SCN9A: variants seen among roughly 807,000 people sequenced by gnomAD.
The protein encoded by SCN9A is sodium channel protein type 9 subunit alpha.
SCN9A carries 131 observed loss-of-function variants against 187.0 expected under a neutral mutation model. The ratio of observed to expected loss-of-function variants is 0.70; its 90% CI spans 0.61 to 0.81. The LOEUF is 0.81. Among genes scored for constraint, SCN9A ranks in the 30% least tolerant of loss-of-function variants. The pLI, the probability that SCN9A is intolerant of heterozygous loss-of-function variation, is 0.00. For synonymous variants in SCN9A, 809 were observed against 808.6 expected (o/e 1.00, Z -0.01); for missense variants, 2,252 against 2,396.6 (o/e 0.94, Z 1.26).
intron 17 of SCN9A, among the ~76,000 whole-genome samples, chr2:166,257,044 TGA>T (rs1696309227): frequency 6.6e-6 from 1 of 151,642 alleles, no homozygotes; most frequent in African/African-American, 2.4e-5. Flanking sequence ...ATCTTTCTAA[TGA>T]AAAGAAGAGA....
At chr2:166,304,159 A>G in intron 6 of SCN9A, 79 bp downstream of exon 6, 1 of 1,612,256 alleles carries the variant, frequency 6.2e-7, no homozygotes, top group Non-Finnish European at 8.5e-7. Flanking sequence ...GTGACGACAC[A>G]CACACAAACG....
intron 1 of SCN9A, among the ~76,000 whole-genome samples, chr2:166,361,454 C>T (rs1367374038): frequency 1.3e-5 from 2 of 152,098 alleles, no homozygotes; most frequent in African/African-American, 2.4e-5. Context: ...ATATGCCACA[C>T]ACAGCCATTT....
chr2:166,254,465 GA>G (rs2106430879), intron 17 of SCN9A, among the ~76,000 whole-genome samples: 1 of 151,442 alleles, frequency 6.6e-6, no homozygotes, highest in South Asian at 2.1e-4. Flanking sequence ...CCTTTATATA[GA>G]AAGGCTGATA....
At chr2:166,318,126 G>A (rs995007829) in intron 1 of SCN9A, among the ~76,000 whole-genome samples, 2 of 152,164 alleles carry the variant, frequency 1.3e-5, no homozygotes, top group East Asian at 1.9e-4. Flanking sequence ...ATCACCAAAA[G>A]GATAATATCT....
intron 1 of SCN9A, among the ~76,000 whole-genome samples, chr2:166,327,231 T>C (rs146882468): frequency 6.6e-6 from 1 of 152,270 alleles, no homozygotes; most frequent in East Asian, 1.9e-4. Context: ...TGATCACGGC[T>C]CACTGGAGCA....
At chr2:166,306,110 A>G (rs948663658) in intron 4 of SCN9A, among the ~76,000 whole-genome samples, 190 bp from the exon 5 acceptor site, 1 of 151,986 alleles carries the variant, frequency 6.6e-6, no homozygotes, top group African/African-American at 2.4e-5. Context: ...TATCAGAAAC[A>G]CTCCCAGAAA....
At position 166,204,367 on chromosome 2, in the gene SCN9A, C is replaced by T. The variant is rs372320353; in HGVS notation, c.4496G>A (p.Arg1499Gln). 4.9e-5 allele frequency: 78 copies of T among 1,605,864 alleles called. No individual in the cohort carries two copies. Among genetic ancestry groups the T allele is most frequent in the Middle Eastern group, 1.7e-4 (1 of 5,946 alleles). The stretch of plus-strand genomic sequence containing the variant: ...ATATATATATTTTTTTACCCCTGGT[C>T]GAGGAATTGGCTTTTGTGGCTTCTT... ...GSKKPQKPIP[R>Q]PGNKIQGCIF... Residue 1499 changes from arginine to glutamine, a missense_variant, in exon 25 of 27, where the codon CGA (arginine) becomes CAA (glutamine). Arg to Gln is a conservative substitution (Grantham distance 43, BLOSUM62 1). Around this residue, in one of 7 missense-constraint regions of SCN9A, gnomAD observed 368 missense variants for 408.6 expected, o/e 0.90. Transcript: ENST00000642356.
chr2:166,264,003 G>A (rs1696627088), intron 17 of SCN9A, among the ~76,000 whole-genome samples: 2 of 151,980 alleles, frequency 1.3e-5, no homozygotes, highest in Non-Finnish European at 2.9e-5. Flanking sequence ...GTAAGCCACT[G>A]AGTTTTGCTA....
At chr2:166,367,544 C>T (rs897130641) in intron 1 of SCN9A, among the ~76,000 whole-genome samples, 4 of 152,150 alleles carry the variant, frequency 2.6e-5, no homozygotes, top group East Asian at 3.9e-4. Context: ...GGATTACGGG[C>T]GTAAGCCACC....
rs79447316 is a variant in SCN9A, at chr2:166,294,878, G to A, written c.902-216C>T. ...AGGCAATAAACATGACAATAAACAC[G>A]ATAAATAAAATCATTAGTTTTATGA... is the stretch of plus-strand genomic sequence containing the variant. On this transcript the variant is annotated intron_variant, in intron 7 of 26. Coordinates refer to ENST00000642356, the MANE Select transcript of SCN9A (RefSeq NM_001365536.1). 1.2e-3 allele frequency among the ~76,000 whole-genome samples: 182 copies of A among 152,132 alleles called. 1 individual carries two copies. Among genetic ancestry groups the A allele is most frequent in the African/African-American group, 4.3e-3 (178 of 41,510 alleles).
At chr2:166,268,788 T>C (rs56680767) in intron 17 of SCN9A, among the ~76,000 whole-genome samples, 1,921 of 152,026 alleles carry the variant, frequency 0.013, 46 homozygotes, top group African/African-American at 0.043. Flanking sequence ...GGTTTGTCTA[T>C]ACTTAATATG....
intron 17 of SCN9A, among the ~76,000 whole-genome samples, chr2:166,270,343 T>A (rs541433352): frequency 4.8e-4 from 73 of 152,116 alleles, no homozygotes; most frequent in African/African-American, 1.7e-3. Context: ...TATGAGAGGA[T>A]GTGTGTAGGT....
rs568478645 is a variant in SCN9A at position 166,363,722 on chromosome 2, C to T, written c.-51+11975G>A. On this transcript the variant is annotated intron_variant, in intron 1 of 26. Coordinates refer to ENST00000642356, the MANE Select transcript of SCN9A (RefSeq NM_001365536.1). ...ATCACCAATGAATCACAGACCTAAA[C>T]GTCAGAGTTAGAACTGTAAATTTCT... 1.6e-4 allele frequency among the ~76,000 whole-genome samples: 24 copies of T among 151,918 alleles called. 1 individual carries two copies. The East Asian group carries it at 4.5e-3, about 28-fold the overall frequency.
chr2:166,199,810 C>G lies in SCN9A; in HGVS notation c.4829G>C (p.Arg1610Pro). 1 of 1,613,788 alleles carries G rather than the reference C, an allele frequency of 6.2e-7. No individual in the cohort carries two copies. The highest frequency in any genetic ancestry group is 2.2e-5 in the East Asian group (1 of 44,858). The change falls in exon 27 of 27, where the codon CGA becomes CCA. Residue 1610 changes from arginine to proline, a missense_variant. Around this residue, in one of 7 missense-constraint regions of SCN9A, gnomAD observed 84 missense variants for 134.2 expected, o/e 0.63. Transcript: ENST00000642356. ...GCCAATCCTGGCAAGACGGATCACT[C>G]GGAACAGGGTAGGGGACACAAAATA... ...ETYFVSPTLFRVIRLARIGRI... is the reference protein window; with the variant it reads ...ETYFVSPTLFPVIRLARIGRI...
chr2:166,280,525 AT>A lies in SCN9A; in HGVS notation c.2174del (p.Asn725IlefsTer7). 6.3e-7 allele frequency: 1 copy of A among 1,592,296 alleles called. No homozygotes were observed. The highest frequency in any genetic ancestry group is 8.6e-7 in the Non-Finnish European group (1 of 1,167,438). Reference sequence around the variant, plus strand: ...TGAATTTTATCCAATATGGAGAGCAATTCCAGATCAAGAATTTGTGTGCAAA... The same window carrying A: ...TGAATTTTATCCAATATGGAGAGCAATCCAGATCAAGAATTTGTGTGCAAA... The part of the protein sequence containing the change: ...YRFAHKFLIW[N>X]CSPYWIKFKK... On this transcript the variant is annotated frameshift_variant, in exon 14 of 27. Transcript: ENST00000642356. LOFTEE classifies it high-confidence loss of function.
intron 1 of SCN9A, among the ~76,000 whole-genome samples, chr2:166,361,386 A>G (rs1700280769): frequency 1.3e-5 from 2 of 152,158 alleles, no homozygotes; most frequent in Non-Finnish European, 2.9e-5. Flanking sequence ...TTTAAAGACT[A>G]AAATGTATGC....
At chr2:166,216,531 A>T (rs1694338649) in intron 24 of SCN9A, among the ~76,000 whole-genome samples, 2 of 152,138 alleles carry the variant, frequency 1.3e-5, no homozygotes, top group Admixed American at 1.3e-4. Flanking sequence ...TAAATTCAGT[A>T]AAGTTGCAGT....
chr2:166,341,641 ATTC>A (rs1337518068), intron 1 of SCN9A, among the ~76,000 whole-genome samples: 1 of 152,218 alleles, frequency 6.6e-6, no homozygotes, highest in East Asian at 1.9e-4. Flanking sequence ...CTGTGAATAA[ATTC>A]TTAGTTCACA....
At chr2:166,350,892 A>G (rs534232221) in intron 1 of SCN9A, among the ~76,000 whole-genome samples, 1 of 152,344 alleles carries the variant, frequency 6.6e-6, no homozygotes, top group East Asian at 1.9e-4. Flanking sequence ...AGAGTAAGAA[A>G]CAGGAATTAT....
Sources: allele counts gnomAD v4.1 joint callset (sites outside exome capture counted in the v4.1 genomes callset), GRCh38; gene constraint gnomAD v4.1.1; regional missense constraint gnomAD v4.1.1; transcripts MANE v1.5; gene names NCBI Gene and HGNC (gene_info 2026-07-23, HGNC 2026-07-21).